The following APBA2 variants were observed in gnomAD, a reference collection of about 807,000 sequenced individuals.
APBA2 encodes the protein amyloid-beta A4 precursor protein-binding family A member 2.
In APBA2, 30 loss-of-function variants were observed where a neutral mutation model predicts 75.0. That is an observed-to-expected ratio of 0.40 (90% CI 0.30 to 0.54). The LOEUF is 0.54. Ranked by LOEUF, APBA2 falls within the 20% of genes least tolerant of loss-of-function variation. The probability of loss-of-function intolerance (pLI) is 0.49; values close to 1 mark genes in which losing one functional copy is unlikely to be tolerated. For synonymous variants in APBA2, 444 were observed against 409.6 expected, an observed-to-expected ratio of 1.08 and a Z score of -1.01; for missense variants, 801 against 1,016.1, an observed-to-expected ratio of 0.79 and a Z score of 2.88.
At chr15:28,994,938 A>T (rs1361862512) in intron 2 of APBA2, among the ~76,000 whole-genome samples, 2 of 152,160 alleles carry the variant, frequency 1.3e-5, no homozygotes, top group Non-Finnish European at 2.9e-5. Context: ...AGGAGGCTGT[A>T]TTACTATCCT....
chr15:28,970,924 G>A (rs868210719), intron 2 of APBA2, among the ~76,000 whole-genome samples: 14 of 152,052 alleles, frequency 9.2e-5, no homozygotes, highest in South Asian at 2.1e-4. Context: ...AGACACCACC[G>A]GGTCCCCTTG....
chr15:29,117,419 GGTAGCTGTGCGT>G lies in APBA2; in HGVS notation c.*288_*299del, dbSNP rs1341460329. The G allele has an allele frequency of 2.0e-6, 1 of 511,838 alleles. No individual in the cohort carries two copies. The highest frequency in any genetic ancestry group is 3.6e-6 in the Non-Finnish European group (1 of 281,386). The allele number at this position is 511,838 out of a possible 1,614,324, so 31.7% of individuals were successfully genotyped here. A position where few individuals can be genotyped will look rare whatever the true frequency, so the allele number is the denominator to read the frequency against. On this transcript the variant is annotated 3_prime_UTR_variant, in exon 15 of 15. Coordinates refer to ENST00000683413, the MANE Select transcript of APBA2 (RefSeq NM_001353788.2). Reference sequence around the variant, plus strand: ...CCCTGCACAAGCCAGGGTGTGTCTCGGTAGCTGTGCGTGGTGTGGAGTGTGTGTCTTTCCTCC... The same window carrying G: ...CCCTGCACAAGCCAGGGTGTGTCTCGGGTGTGGAGTGTGTGTCTTTCCTCC...
intron 11 of APBA2, 82 bp downstream of exon 11, chr15:29,105,640 G>T: frequency 6.7e-7 from 1 of 1,492,160 alleles, no homozygotes; most frequent in Non-Finnish European, 9.2e-7. Flanking sequence ...GCCTTCCCGG[G>T]GTCCTCACGC....
chr15:29,011,076 G>A (rs752881426), intron 3 of APBA2, among the ~76,000 whole-genome samples: 1 of 152,154 alleles, frequency 6.6e-6, no homozygotes, highest in African/African-American at 2.4e-5. Flanking sequence ...TACCTCAAGT[G>A]GAATCCTACA....
intron 3 of APBA2, among the ~76,000 whole-genome samples, chr15:29,007,538 A>G (rs2039180777): frequency 6.6e-6 from 1 of 152,228 alleles, no homozygotes; most frequent in Admixed American, 6.5e-5. Flanking sequence ...ACATAAAAAG[A>G]AGCCACCTGA....
At chr15:29,075,136 G>A (rs907792219) in intron 5 of APBA2, 135 bp downstream of exon 5, 5 of 751,788 alleles carry the variant, frequency 6.7e-6, no homozygotes, top group Non-Finnish European at 1.2e-5. Context: ...GGGAGTCCAG[G>A]TCAGGCCAAG....
chr15:29,053,618 C>G (rs1025825155), intron 3 of APBA2, among the ~76,000 whole-genome samples: 1 of 152,044 alleles, frequency 6.6e-6, no homozygotes, highest in African/African-American at 2.4e-5. Context: ...CCGGTGCCTC[C>G]CTTGACTGCT....
At chr15:29,098,103 C>T (rs940929159) in intron 8 of APBA2, among the ~76,000 whole-genome samples, 12 of 152,134 alleles carry the variant, frequency 7.9e-5, no homozygotes, top group South Asian at 4.2e-4. Context: ...ATAGTGCTGC[C>T]GTGAGCATGG....
intron 12 of APBA2, 126 bp from the exon 13 acceptor site, chr15:29,108,144 C>T: frequency 7.2e-7 from 1 of 1,383,290 alleles, no homozygotes; most frequent in Non-Finnish European, 1.0e-6. Context: ...TGAGAGGGGA[C>T]TGCCTGCCTC....
chr15:28,898,024 G>C (rs1021878597), intron 1 of APBA2, among the ~76,000 whole-genome samples: 3 of 152,172 alleles, frequency 2.0e-5, no homozygotes, highest in Non-Finnish European at 4.4e-5. Flanking sequence ...CCAAGGAGGC[G>C]GAAATTGGAG....
intron 2 of APBA2, among the ~76,000 whole-genome samples, chr15:28,944,969 C>T (rs955338066): frequency 7.9e-5 from 12 of 152,296 alleles, no homozygotes; most frequent in South Asian, 6.2e-4. Context: ...GCCTTGCCCC[C>T]GCTTTGCCTA....
intron 13 of APBA2, among the ~76,000 whole-genome samples, chr15:29,112,361 G>T (rs529826282): frequency 1.3e-5 from 2 of 152,234 alleles, no homozygotes; most frequent in Non-Finnish European, 1.5e-5. Flanking sequence ...CACCCAGAGC[G>T]AGCAGTCAGA....
chr15:29,043,417 A>G (rs377039180), intron 3 of APBA2, among the ~76,000 whole-genome samples: 1 of 152,194 alleles, frequency 6.6e-6, no homozygotes, highest in Non-Finnish European at 1.5e-5. Context: ...GTCACCTGAC[A>G]GGTATGGCTG....
intron 2 of APBA2, among the ~76,000 whole-genome samples, chr15:28,930,852 G>A (rs1488270734): frequency 6.6e-6 from 1 of 152,180 alleles, no homozygotes; most frequent in Non-Finnish European, 1.5e-5. Context: ...CATGCCCCTC[G>A]GGAGTGCTCC....
intron 2 of APBA2, among the ~76,000 whole-genome samples, chr15:28,988,535 A>G (rs577821711): frequency 6.6e-6 from 1 of 152,256 alleles, no homozygotes; most frequent in East Asian, 1.9e-4. Flanking sequence ...AAATGCTAGG[A>G]TTGCAGGCCT....
intron 3 of APBA2, among the ~76,000 whole-genome samples, chr15:29,025,676 G>C (rs2040182386): frequency 6.6e-6 from 1 of 152,024 alleles, no homozygotes; most frequent in Admixed American, 6.6e-5. Context: ...GATGGGCTGG[G>C]CGTGGTGGCT....
chr15:28,936,344 T>C (rs1226835666), intron 2 of APBA2, among the ~76,000 whole-genome samples: 3 of 152,152 alleles, frequency 2.0e-5, no homozygotes, highest in Non-Finnish European at 4.4e-5. Context: ...TATGAGCCCC[T>C]CCTACTAGGC....
chr15:28,989,455 G>T (rs1051008075), intron 2 of APBA2, among the ~76,000 whole-genome samples: 1 of 152,168 alleles, frequency 6.6e-6, no homozygotes, highest in Non-Finnish European at 1.5e-5. Flanking sequence ...TAGTGTGCTG[G>T]GCCCTGTGTG....
At chr15:29,051,409 G>A (rs2041588089) in intron 3 of APBA2, among the ~76,000 whole-genome samples, 2 of 152,162 alleles carry the variant, frequency 1.3e-5, no homozygotes, top group Non-Finnish European at 1.5e-5. Context: ...GGAGTGCTGT[G>A]AATTGCTCCG....
Sources: gnomAD v4.1 joint callset for allele counts (sites outside exome capture counted in the v4.1 genomes callset) on GRCh38, gnomAD v4.1.1 for gene constraint, MANE v1.5 for transcripts, NCBI Gene and HGNC (gene_info 2026-07-23, HGNC 2026-07-21) for gene names.